The following DAAM1 variants were observed in gnomAD, a reference collection of about 807,000 sequenced individuals.
DAAM1 encodes disheveled-associated activator of morphogenesis 1.
In DAAM1, 52 loss-of-function variants were observed where a neutral mutation model predicts 130.0. That is an observed-to-expected ratio of 0.40 (90% CI 0.32 to 0.50). The LOEUF is 0.50. Ranked by LOEUF, DAAM1 falls within the 20% of genes least tolerant of loss-of-function variation. DAAM1 has a pLI of 0.61. For synonymous variants in DAAM1, 452 were observed against 444.5 expected, an observed-to-expected ratio of 1.02 and a Z score of -0.21; for missense variants, 1,134 against 1,303.8, an observed-to-expected ratio of 0.87 and a Z score of 2.01.
rs12586981 is a variant in DAAM1, at chr14:59,320,335, G to A, written c.346-155G>A. ...CGAAGATTTCTAAACTTTTCCCTAA[G>A]GCTTTATTTAAAATTTGAAAGACTT... On this transcript the variant is annotated intron_variant, in intron 4 of 24. Transcript: ENST00000360909. Among the ~76,000 whole-genome samples, 132,621 of 152,214 alleles carry A rather than the reference G, an allele frequency of 0.87. 58,783 individuals are homozygous for A. Among genetic ancestry groups the A allele is most frequent in the East Asian group, 1 (5,185 of 5,188 alleles).
intron 2 of DAAM1, among the ~76,000 whole-genome samples, chr14:59,268,279 C>T (rs1287774031): frequency 1.3e-5 from 2 of 152,118 alleles, no homozygotes; most frequent in Non-Finnish European, 2.9e-5. Context: ...GTTTTTGGCT[C>T]CTGTGAATAA....
intron 2 of DAAM1, among the ~76,000 whole-genome samples, 194 bp from the exon 3 acceptor site, chr14:59,291,023 T>C (rs1429995971): frequency 6.6e-6 from 1 of 152,194 alleles, no homozygotes; most frequent in African/African-American, 2.4e-5. Flanking sequence ...CTGTGCCCCA[T>C]GCCTAGCCCC....
At position 59,324,465 on chromosome 14, in the gene DAAM1, C is replaced by T. The variant is rs1259698827; in HGVS notation, c.989+11C>T. On this transcript the variant is annotated intron_variant, in intron 8 of 24. Coordinates refer to ENST00000360909, the MANE Select transcript of DAAM1 (RefSeq NM_001270520.2). Reference sequence around the variant, plus strand: ...TTCAACATTAGATAGGTAAGTCAGACTATTATGATGTGAGAAAGTTTCTGT... The same window carrying T: ...TTCAACATTAGATAGGTAAGTCAGATTATTATGATGTGAGAAAGTTTCTGT... 11 of 1,530,554 alleles carry T rather than the reference C, an allele frequency of 7.2e-6. No homozygotes were observed. The highest frequency in any genetic ancestry group is 8.8e-6 in the Non-Finnish European group (10 of 1,130,530). The allele number at this position is 1,530,554 out of a possible 1,614,324, so 94.8% of individuals were successfully genotyped here. A position where few individuals can be genotyped will look rare whatever the true frequency, so the allele number is the denominator to read the frequency against.
intron 1 of DAAM1, among the ~76,000 whole-genome samples, chr14:59,225,026 T>G (rs1463392000): frequency 7.3e-6 from 1 of 137,786 alleles, no homozygotes; most frequent in African/African-American, 2.8e-5. Flanking sequence ...TGGGTTTTTT[T>G]TTTTTTTTTT....
chr14:59,355,402 C>T, intron 20 of DAAM1, 69 bp downstream of exon 20: 1 of 1,575,602 alleles, frequency 6.3e-7, no homozygotes, highest in Non-Finnish European at 8.6e-7. Flanking sequence ...TTATGCCTCT[C>T]TGGTCCTCCT....
At chr14:59,303,016 G>C (rs1362303827) in intron 3 of DAAM1, among the ~76,000 whole-genome samples, 1 of 152,214 alleles carries the variant, frequency 6.6e-6, no homozygotes, top group East Asian at 1.9e-4. Flanking sequence ...AAATTTGGCT[G>C]TGTGTCAGTT....
At chr14:59,218,424 C>T (rs527657801) in intron 1 of DAAM1, among the ~76,000 whole-genome samples, 1 of 152,276 alleles carries the variant, frequency 6.6e-6, no homozygotes, top group East Asian at 1.9e-4. Context: ...ATAGATGTGC[C>T]ATTTTGCTCC....
chr14:59,209,643 A>G (rs1408261084), intron 1 of DAAM1, among the ~76,000 whole-genome samples: 1 of 152,208 alleles, frequency 6.6e-6, no homozygotes, highest in Admixed American at 6.5e-5. Flanking sequence ...GCCCAATTGT[A>G]GGGTAATGTA....
chr14:59,232,537 T>A (rs1473395224), intron 1 of DAAM1, among the ~76,000 whole-genome samples: 3 of 152,194 alleles, frequency 2.0e-5, no homozygotes, highest in Non-Finnish European at 4.4e-5. Flanking sequence ...TTCTGTTTAG[T>A]TTGGAATGAT....
rs1479065758 is a variant in DAAM1 at position 59,331,200 on chromosome 14, T to C, written c.1561-9T>C. The C allele has an allele frequency of 1.2e-6, 2 of 1,611,200 alleles. No individual in the cohort carries two copies. Among genetic ancestry groups the C allele is most frequent in the Non-Finnish European group, 1.7e-6 (2 of 1,179,520 alleles). On this transcript the variant is annotated splice_polypyrimidine_tract_variant and intron_variant, in intron 13 of 24. Transcript: ENST00000360909. ...ATTGATCTTTCTTTTCCTATTTTTA[T>C]CTTTTCAGAGGGCCGTCTGTGCTTC...
intron 7 of DAAM1, 44 bp downstream of exon 7, chr14:59,324,282 T>C: frequency 1.4e-6 from 2 of 1,402,044 alleles, no homozygotes; most frequent in Non-Finnish European, 1.9e-6. Flanking sequence ...TAAATAATAA[T>C]TTATAAAAAG....
chr14:59,371,306 T>TTAGA lies in DAAM1; in HGVS notation c.*2451_*2454dup, dbSNP rs960650579. ...TTAGTCTTTAGGTGCAAGACTGTTG[T>TTAGA]TAGATAGTACTGAGAAAAAAAAAGT... On this transcript the variant is annotated 3_prime_UTR_variant, in exon 25 of 25. Transcript: ENST00000360909. 1.5e-4 allele frequency: 23 copies of TTAGA among 152,218 alleles called. No homozygotes were observed. Among genetic ancestry groups the TTAGA allele is most frequent in the African/African-American group, 4.6e-4 (19 of 41,550 alleles). 9.4% of individuals were successfully genotyped at this position (152,218 alleles called of 1,614,324 possible). A position where few individuals can be genotyped will look rare whatever the true frequency, so the allele number is the denominator to read the frequency against.
chr14:59,360,467 T>G (rs1348163827), intron 21 of DAAM1, among the ~76,000 whole-genome samples: 1 of 152,246 alleles, frequency 6.6e-6, no homozygotes, highest in Non-Finnish European at 1.5e-5. Flanking sequence ...GAGCCAAGTA[T>G]GGCAAGAGAT....
chr14:59,275,019 A>G (rs1468981506), intron 2 of DAAM1, among the ~76,000 whole-genome samples: 1 of 152,226 alleles, frequency 6.6e-6, no homozygotes, highest in Admixed American at 6.5e-5. Flanking sequence ...TTAAAGCTTT[A>G]AAGTGTCAGA....
intron 1 of DAAM1, among the ~76,000 whole-genome samples, chr14:59,239,468 C>T (rs1255515964): frequency 6.6e-6 from 1 of 152,136 alleles, no homozygotes; most frequent in East Asian, 1.9e-4. Context: ...CAGTTTTATT[C>T]ACCACGCTCT....
intron 3 of DAAM1, chr14:59,291,516 C>T: frequency 3.9e-6 from 2 of 514,534 alleles, no homozygotes; most frequent in Non-Finnish European, 6.8e-6. Context: ...CCACCTGTAA[C>T]CATCATTCAT....
chr14:59,333,481 C>T (rs1336600003), intron 15 of DAAM1, among the ~76,000 whole-genome samples: 1 of 152,232 alleles, frequency 6.6e-6, no homozygotes, highest in Non-Finnish European at 1.5e-5. Context: ...TTGGCTGCAA[C>T]ATGCTGCCTC....
intron 1 of DAAM1, 105 bp from the exon 2 acceptor site, chr14:59,263,336 A>G: frequency 1.1e-6 from 1 of 944,220 alleles, no homozygotes; most frequent in Non-Finnish European, 1.6e-6. Flanking sequence ...CAGGGCGCAC[A>G]CAGTGTCGTC....
chr14:59,236,452 C>A (rs1889302290), intron 1 of DAAM1, among the ~76,000 whole-genome samples: 1 of 152,048 alleles, frequency 6.6e-6, no homozygotes, highest in Non-Finnish European at 1.5e-5. Context: ...CATGCCTCAC[C>A]TTTTCTCCCT....
Sources: gnomAD v4.1 joint callset for allele counts (sites outside exome capture counted in the v4.1 genomes callset) on GRCh38, gnomAD v4.1.1 for gene constraint, MANE v1.5 for transcripts, NCBI Gene and HGNC (gene_info 2026-07-23, HGNC 2026-07-21) for gene names.